PTAR1: variants seen among roughly 807,000 people sequenced by gnomAD.
The protein encoded by PTAR1 is protein prenyltransferase alpha subunit repeat containing 1, also known as protein prenyltransferase alpha subunit repeat-containing protein 1.
PTAR1 carries 17 observed loss-of-function variants against 45.5 expected under a neutral mutation model. That is an observed-to-expected ratio of 0.37 (90% CI 0.26 to 0.56). The LOEUF is 0.56. PTAR1 is among the 20% of genes least tolerant of loss of function. PTAR1 has a pLI of 0.77. For missense variants in PTAR1, 391 were observed against 476.3 expected (o/e 0.82, Z 1.67); for synonymous variants, 169 against 171.3 (o/e 0.99, Z 0.11).
At chr9:69,757,671 AAAAC>A (rs1406419201) in intron 1 of PTAR1, 1 of 152,226 alleles carries the variant, frequency 6.6e-6, no homozygotes, top group Non-Finnish European at 1.5e-5. Context: ...TTGGACAAGA[AAAAC>A]AAAAAAATTT....
intron 4 of PTAR1, among the ~76,000 whole-genome samples, 187 bp from the exon 5 acceptor site, chr9:69,732,539 A>T (rs1426780500): frequency 6.6e-6 from 1 of 152,042 alleles, no homozygotes; most frequent in African/African-American, 2.4e-5. Context: ...CTAATTTAGC[A>T]GTATGGATGA....
chr9:69,715,463 AGTACACTAAG>A lies in PTAR1; in HGVS notation c.*2869_*2878del, dbSNP rs1824692083. On this transcript the variant is annotated 3_prime_UTR_variant, in exon 8 of 8. Transcript: ENST00000340434. ...CGTACTGCCAAAATAGGTACACTAA[AGTACACTAAG>A]GTACACTAAAGGCGGGGTGAAGGTG... The A allele has an allele frequency of 6.6e-6, 1 of 152,158 alleles. No homozygotes were observed. Among genetic ancestry groups the A allele is most frequent in the African/African-American group, 2.4e-5 (1 of 41,464 alleles). 9.4% of individuals were successfully genotyped at this position (152,158 alleles called of 1,614,324 possible). A position where few individuals can be genotyped will look rare whatever the true frequency, so the allele number is the denominator to read the frequency against.
chr9:69,747,121 G>A (rs1826308198), intron 2 of PTAR1, among the ~76,000 whole-genome samples: 1 of 152,206 alleles, frequency 6.6e-6, no homozygotes, highest in Admixed American at 6.5e-5. Flanking sequence ...ACAAATGTCT[G>A]TTGAACATGT....
At chr9:69,735,384 T>G (rs1338335878) in intron 3 of PTAR1, among the ~76,000 whole-genome samples, 1 of 152,186 alleles carries the variant, frequency 6.6e-6, no homozygotes, top group Non-Finnish European at 1.5e-5. Context: ...CCTAATACAA[T>G]GTAAATGCTA....
intron 2 of PTAR1, among the ~76,000 whole-genome samples, chr9:69,746,116 A>ACAAGACTT: frequency 6.6e-6 from 1 of 152,218 alleles, no homozygotes; most frequent in East Asian, 1.9e-4. Flanking sequence ...TCAGGCTCAG[A>ACAAGACTT]CAAGACTTCC....
chr9:69,759,801 GC>G, intron 1 of PTAR1, 51 bp downstream of exon 1: 3 of 1,294,574 alleles, frequency 2.3e-6, no homozygotes, highest in Non-Finnish European at 3.1e-6. Context: ...GCTTGGCCCC[GC>G]CCCCGCCCGC....
chr9:69,737,272 G>T (rs1013383568), intron 3 of PTAR1, among the ~76,000 whole-genome samples: 10 of 151,860 alleles, frequency 6.6e-5, no homozygotes, highest in African/African-American at 2.2e-4. Context: ...GTGGAGACAG[G>T]GTCTCACCAT....
At chr9:69,747,700 G>A (rs1163232192) in intron 2 of PTAR1, among the ~76,000 whole-genome samples, 1 of 152,150 alleles carries the variant, frequency 6.6e-6, no homozygotes, top group Non-Finnish European at 1.5e-5. Context: ...GTAGAAAGTT[G>A]TATACTCAAC....
chr9:69,753,476 T>A (rs533594960), intron 1 of PTAR1, among the ~76,000 whole-genome samples: 1 of 152,274 alleles, frequency 6.6e-6, no homozygotes, highest in African/African-American at 2.4e-5. Context: ...GAAAACAGCA[T>A]GTGTCCAAGT....
chr9:69,744,064 T>C (rs1221351944), intron 2 of PTAR1, among the ~76,000 whole-genome samples: 1 of 152,272 alleles, frequency 6.6e-6, no homozygotes, highest in Middle Eastern at 3.4e-3. Flanking sequence ...TCTAAGAGAT[T>C]ATGGATACCA....
chr9:69,755,872 T>TA (rs1826752272), intron 1 of PTAR1, among the ~76,000 whole-genome samples: 1 of 152,198 alleles, frequency 6.6e-6, no homozygotes, highest in Admixed American at 6.5e-5. Context: ...TTACTAGTGT[T>TA]TATTGTTACT....
intron 5 of PTAR1, chr9:69,731,862 A>T: frequency 2.3e-6 from 1 of 434,502 alleles, no homozygotes; most frequent in Non-Finnish European, 4.1e-6. Flanking sequence ...TTCCTGTTTC[A>T]GGATAAAGTG....
intron 6 of PTAR1, among the ~76,000 whole-genome samples, chr9:69,721,830 A>G (rs528418399): frequency 6.6e-6 from 1 of 152,138 alleles, no homozygotes; most frequent in East Asian, 1.9e-4. Context: ...TTTTTTAGAC[A>G]TAATGCTGTT....
intron 1 of PTAR1, chr9:69,757,211 CT>C (rs1826823396): frequency 6.6e-6 from 1 of 152,198 alleles, no homozygotes; most frequent in South Asian, 2.1e-4. Flanking sequence ...AAACTGTTGT[CT>C]TCTACATTAG....
At chr9:69,747,428 G>A (rs996542539) in intron 2 of PTAR1, among the ~76,000 whole-genome samples, 4 of 152,206 alleles carry the variant, frequency 2.6e-5, no homozygotes, top group African/African-American at 9.7e-5. Flanking sequence ...AGGCATGGAA[G>A]TAAGGCAGTA....
rs1291781031 is a variant in PTAR1, at chr9:69,716,428, C to T, written c.*1914G>A. ...AAAGCTATAAAAAGGTAATTTTTTA[C>T]TTGAGAGAAGAACAAATTCTGTCTA... On this transcript the variant is annotated 3_prime_UTR_variant, in exon 8 of 8. Coordinates refer to ENST00000340434, the MANE Select transcript of PTAR1 (RefSeq NM_001099666.2). 1 of 152,028 alleles carries T rather than the reference C, an allele frequency of 6.6e-6. No homozygotes were observed. The highest frequency in any genetic ancestry group is 1.5e-5 in the Non-Finnish European group (1 of 67,996). The allele number at this position is 152,028 out of a possible 1,614,324, so 9.4% of individuals were successfully genotyped here.
At chr9:69,734,792 C>T (rs898534404) in intron 3 of PTAR1, among the ~76,000 whole-genome samples, 1 of 151,948 alleles carries the variant, frequency 6.6e-6, no homozygotes, top group Admixed American at 6.6e-5. Context: ...TTTGAATTTT[C>T]CCTTCTACTT....
At chr9:69,754,469 C>CA (rs142966347) in intron 1 of PTAR1, among the ~76,000 whole-genome samples, 7,691 of 143,856 alleles carry the variant, frequency 0.053, 266 homozygotes, top group East Asian at 0.2. Flanking sequence ...CAAAACAAAA[C>CA]AAAAAAAACC....
intron 1 of PTAR1, chr9:69,757,682 A>AT (rs1175259963): frequency 6.6e-6 from 1 of 152,206 alleles, no homozygotes; most frequent in African/African-American, 2.4e-5. Context: ...AAACAAAAAA[A>AT]TTTTTGTATA....
Sources: gnomAD v4.1 joint callset for allele counts (sites outside exome capture counted in the v4.1 genomes callset) on GRCh38, gnomAD v4.1.1 for gene constraint, MANE v1.5 for transcripts, NCBI Gene and HGNC (gene_info 2026-07-23, HGNC 2026-07-21) for gene names.